ARFGEF3: variants seen among roughly 807,000 people sequenced by gnomAD.
The protein encoded by ARFGEF3 is brefeldin A-inhibited guanine nucleotide-exchange protein 3.
In ARFGEF3, 96 loss-of-function variants were observed where a neutral mutation model predicts 221.7. The ratio of observed to expected loss-of-function variants is 0.43; its 90% CI spans 0.37 to 0.51. The LOEUF is 0.51. ARFGEF3 is among the 20% of genes least tolerant of loss of function. The probability of loss-of-function intolerance (pLI) is 0.00; values close to 1 mark genes in which losing one functional copy is unlikely to be tolerated. For synonymous variants in ARFGEF3, 1,145 were observed against 1,126.8 expected (o/e 1.02, Z -0.32); for missense variants, 2,410 against 2,789.9 (o/e 0.86, Z 3.07).
intron 22 of ARFGEF3, among the ~76,000 whole-genome samples, chr6:138,299,784 TA>T (rs1488441658): frequency 6.6e-6 from 1 of 152,248 alleles, no homozygotes; most frequent in Non-Finnish European, 1.5e-5. Context: ...AAGGTTGAAT[TA>T]AAACAAACTT....
chr6:138,243,763 G>A (rs180941391), intron 7 of ARFGEF3, among the ~76,000 whole-genome samples: 15 of 152,156 alleles, frequency 9.9e-5, no homozygotes, highest in African/African-American at 3.1e-4. Flanking sequence ...CAGCTTAATA[G>A]CCACAATTAG....
intron 8 of ARFGEF3, among the ~76,000 whole-genome samples, chr6:138,252,972 G>T (rs1005888934): frequency 6.6e-6 from 1 of 152,130 alleles, no homozygotes; most frequent in African/African-American, 2.4e-5. Flanking sequence ...ATCTGGCTCT[G>T]TTCCTCTATG....
chr6:138,332,504 T>C (rs2114696647), intron 32 of ARFGEF3, among the ~76,000 whole-genome samples: 1 of 152,310 alleles, frequency 6.6e-6, no homozygotes, highest in Admixed American at 6.5e-5. Flanking sequence ...GTATGCATCC[T>C]GTGGTAGCTT....
chr6:138,232,835 A>G (rs1778218411), intron 5 of ARFGEF3, among the ~76,000 whole-genome samples: 1 of 152,216 alleles, frequency 6.6e-6, no homozygotes, highest in Non-Finnish European at 1.5e-5. Context: ...GAATACAAGC[A>G]AAGTGAAGTT....
chr6:138,266,170 A>G (rs963418547), intron 12 of ARFGEF3, among the ~76,000 whole-genome samples: 2 of 151,894 alleles, frequency 1.3e-5, no homozygotes, highest in Non-Finnish European at 2.9e-5. Flanking sequence ...CCATGTTTCC[A>G]CCACTGCCCT....
intron 8 of ARFGEF3, among the ~76,000 whole-genome samples, chr6:138,249,611 G>A (rs568426068): frequency 6.6e-6 from 1 of 152,266 alleles, no homozygotes; most frequent in African/African-American, 2.4e-5. Flanking sequence ...GATCACTTGA[G>A]GTCAGGAGTT....
At position 138,218,530 on chromosome 6, in the gene ARFGEF3, C is replaced by T. The variant is rs1238881246; in HGVS notation, c.351+8489C>T. ...ATGATTCCACAATCTAAGGAAAACA[C>T]CCACTCTTTAGCTGAGCCAATGTTT... On this transcript the variant is annotated intron_variant, in intron 4 of 33. Transcript: ENST00000251691. 2.2e-6 allele frequency: 3 copies of T among 1,383,096 alleles called. No individual in the cohort carries two copies. The South Asian group carries it at 5.1e-5, about 23-fold the overall frequency. The allele number at this position is 1,383,096 out of a possible 1,614,324, so 85.7% of individuals were successfully genotyped here.
rs897247351 is a variant in ARFGEF3, at chr6:138,291,834, C to T, written c.3149C>T (p.Ala1050Val). ...ISQPQKATGS[A>V]GLLGDPECEG... Reference sequence around the variant, plus strand: ...CAGCCCCAGAAGGCCACTGGAAGCGCTGGCCTCCTTGGGGACCCCGAGTGT... The same window carrying T: ...CAGCCCCAGAAGGCCACTGGAAGCGTTGGCCTCCTTGGGGACCCCGAGTGT... The change falls in exon 19 of 34, where the codon GCT becomes GTT. Residue 1050 changes from alanine (A) to valine (V), a missense_variant. Physicochemically the swap from Ala to Val is moderately conservative, Grantham distance 64. This residue lies in a region of ARFGEF3 where 184 missense variants were observed against 141.8 expected (regional missense o/e 1.30). Transcript: ENST00000251691. The surrounding 1 kb of genome is among the most constrained non-coding windows in gnomAD (Gnocchi z 4.5). 9 of 1,501,744 alleles carry T rather than the reference C, an allele frequency of 6.0e-6. No homozygotes were observed. Among genetic ancestry groups the T allele is most frequent in the African/African-American group, 1.4e-5 (1 of 69,356 alleles). 93.0% of individuals were successfully genotyped at this position (1,501,744 alleles called of 1,614,324 possible). A position where few individuals can be genotyped will look rare whatever the true frequency, so the allele number is the denominator to read the frequency against.
intron 10 of ARFGEF3, among the ~76,000 whole-genome samples, chr6:138,257,608 C>T (rs971558603): frequency 1.1e-4 from 17 of 152,172 alleles, no homozygotes; most frequent in African/African-American, 4.1e-4. Flanking sequence ...GTCCAGCTGA[C>T]CCTAATCCCA....
chr6:138,165,144 C>T (rs1776699304), intron 1 of ARFGEF3, among the ~76,000 whole-genome samples: 2 of 149,598 alleles, frequency 1.3e-5, no homozygotes, highest in Admixed American at 1.3e-4. Context: ...AGAGAGGGGG[C>T]ATCCCCGTCT....
At chr6:138,188,708 A>G (rs913531855) in intron 2 of ARFGEF3, among the ~76,000 whole-genome samples, 1 of 152,240 alleles carries the variant, frequency 6.6e-6, no homozygotes, top group Non-Finnish European at 1.5e-5. Context: ...CACAACATTT[A>G]TCCTGAGAAA....
chr6:138,296,351 C>T (rs1283950813), intron 20 of ARFGEF3, among the ~76,000 whole-genome samples: 1 of 152,174 alleles, frequency 6.6e-6, no homozygotes, highest in Non-Finnish European at 1.5e-5. Flanking sequence ...GTGCTGGGCC[C>T]ATGCTGAGCA....
intron 12 of ARFGEF3, among the ~76,000 whole-genome samples, chr6:138,276,669 G>A (rs147606796): frequency 6.1e-4 from 92 of 151,526 alleles, no homozygotes; most frequent in African/African-American, 2.0e-3. Context: ...TTTGTTTTTC[G>A]TTTTTTTGTT....
chr6:138,293,788 A>C (rs561711781), intron 19 of ARFGEF3, among the ~76,000 whole-genome samples: 2 of 152,346 alleles, frequency 1.3e-5, no homozygotes, highest in African/African-American at 4.8e-5. Context: ...ATTTTTAAAT[A>C]TATTCTTTGT....
Position 138,336,323 on chromosome 6 carries a change from T to A in ARFGEF3, c.6371T>A (p.Leu2124His). ...TGGACCAACATGGTGCTAACAGTTC[T>A]CAATCAGATTCAGATTCTCCCAGAC... is the stretch of plus-strand genomic sequence containing the variant. ...QAWTNMVLTV[L>H]NQIQILPDQT... The change falls in exon 34 of 34, where the codon CTC becomes CAC. Residue 2124 changes from leucine to histidine, a missense_variant. Leu to His is a moderately conservative substitution (Grantham distance 99, BLOSUM62 -3). Around this residue, in one of 5 missense-constraint regions of ARFGEF3, gnomAD observed 339 missense variants for 334.9 expected, o/e 1.01. Coordinates refer to ENST00000251691, the MANE Select transcript of ARFGEF3 (RefSeq NM_020340.5). 6.2e-7 allele frequency: 1 copy of A among 1,600,224 alleles called. No homozygotes were observed. Among genetic ancestry groups the A allele is most frequent in the South Asian group, 1.1e-5 (1 of 88,628 alleles).
At chr6:138,255,239 A>G (rs1778653518) in intron 9 of ARFGEF3, among the ~76,000 whole-genome samples, 197 bp from the exon 10 acceptor site, 1 of 152,196 alleles carries the variant, frequency 6.6e-6, no homozygotes, top group Admixed American at 6.5e-5. Context: ...CATTCATGCT[A>G]GCTCAATTTA....
Position 138,262,982 on chromosome 6 carries a change from G to T in ARFGEF3, c.1499G>T (p.Ser500Ile). 6.3e-7 allele frequency: 1 copy of T among 1,599,596 alleles called. No individual in the cohort carries two copies. Among genetic ancestry groups the T allele is most frequent in the Non-Finnish European group, 8.5e-7 (1 of 1,173,160 alleles). The change falls in exon 12 of 34, where the codon AGC becomes ATC. Residue 500 changes from serine (S) to isoleucine (I), a missense_variant. By Grantham distance (142) the Ser-to-Ile change is moderately radical. This residue lies in a region of ARFGEF3 where 594 missense variants were observed against 734.3 expected (regional missense o/e 0.81). Transcript: ENST00000251691. ...HTPWESGNER[S>I]LDISISVTTD... The stretch of plus-strand genomic sequence containing the variant: ...CCGTGGGAGTCAGGGAACGAGAGGA[G>T]CCTTGACATCAGCATCAGTGTCACC...
chr6:138,208,693 G>A (rs1269902414), intron 3 of ARFGEF3, among the ~76,000 whole-genome samples: 1 of 152,170 alleles, frequency 6.6e-6, no homozygotes, highest in Non-Finnish European at 1.5e-5. Flanking sequence ...GGGTGAAATT[G>A]TATGCCTCAT....
intron 33 of ARFGEF3, among the ~76,000 whole-genome samples, chr6:138,335,751 G>A (rs918071830): frequency 1.3e-5 from 2 of 152,150 alleles, no homozygotes; most frequent in South Asian, 2.1e-4. Flanking sequence ...TTCTTAGTGT[G>A]TCATTCGAAA....
Sources: allele counts gnomAD v4.1 joint callset (sites outside exome capture counted in the v4.1 genomes callset), GRCh38; gene constraint gnomAD v4.1.1; regional missense constraint gnomAD v4.1.1; non-coding constraint Gnocchi (gnomAD v3.1); transcripts MANE v1.5; gene names NCBI Gene and HGNC (gene_info 2026-07-23, HGNC 2026-07-21).